The following MEF2A variants were observed in gnomAD, a reference collection of about 807,000 sequenced individuals.
MEF2A encodes myocyte-specific enhancer factor 2A.
MEF2A carries 28 observed loss-of-function variants against 55.8 expected under a neutral mutation model. The observed-to-expected ratio is 0.50, with a 90% CI of 0.37 to 0.69. MEF2A has a LOEUF of 0.69. Among genes scored for constraint, MEF2A ranks in the 30% least tolerant of loss-of-function variants. MEF2A has a pLI of 0.00. For synonymous variants in MEF2A, 239 were observed against 227.1 expected, an observed-to-expected ratio of 1.05 and a Z score of -0.47; for missense variants, 528 against 626.2, an observed-to-expected ratio of 0.84 and a Z score of 1.67.
At chr15:99,622,611 C>A (rs187676108) in intron 2 of MEF2A, among the ~76,000 whole-genome samples, 2 of 151,868 alleles carry the variant, frequency 1.3e-5, no homozygotes, top group East Asian at 3.9e-4. Context: ...CACTTTAACC[C>A]TTTTAAAGTA....
rs1201145586 is a variant in MEF2A at position 99,598,451 on chromosome 15, GAAC to G, written c.-200_-198del. The G allele has an allele frequency of 1.3e-5, 2 of 152,010 alleles. No homozygotes were observed. The highest frequency in any genetic ancestry group is 4.8e-5 in the African/African-American group (2 of 41,400). The allele number at this position is 152,010 out of a possible 1,614,324, so 9.4% of individuals were successfully genotyped here. ...TAAGGAATTGCATTTTGTGAAAAAA[GAAC>G]AAGAATTTTCTGCAAGGATCATATC... On this transcript the variant is annotated 5_prime_UTR_variant, in exon 2 of 12. Coordinates refer to ENST00000557942, the MANE Select transcript of MEF2A (RefSeq NM_001319206.4).
rs2153831692 is a variant in MEF2A at position 99,712,480 on chromosome 15, G to A, written c.1227G>A (p.Arg409=). 3.2e-6 allele frequency: 5 copies of A among 1,551,460 alleles called. No individual in the cohort carries two copies. Among genetic ancestry groups the A allele is most frequent in the Non-Finnish European group, 4.4e-6 (5 of 1,146,958 alleles). The part of the protein sequence containing the change: ...SIKSEPISPP[R]DRMTPSGFQQ... Reference sequence around the variant, plus strand: ...AGTCCGAACCGATTTCACCTCCTCGGGATCGTATGACCCCATCGGGCTTCC... The same window carrying A: ...AGTCCGAACCGATTTCACCTCCTCGAGATCGTATGACCCCATCGGGCTTCC... The change falls in exon 12 of 12, where the codon CGG becomes CGA. Residue 409 remains arginine, a synonymous_variant. Coordinates refer to ENST00000557942, the MANE Select transcript of MEF2A (RefSeq NM_001319206.4). The surrounding 1 kb of genome is among the most constrained non-coding windows in gnomAD (Gnocchi z 4.1).
Position 99,607,872 on chromosome 15 carries a change from G to A in MEF2A, c.-143+9361G>A, listed in dbSNP as rs559599906. ...CAAAGTCTCCTTTCTAATGATTTTC[G>A]TAATACTATGCTTATCTCTAAGGAG... On this transcript the variant is annotated intron_variant, in intron 2 of 11. Coordinates refer to ENST00000557942, the MANE Select transcript of MEF2A (RefSeq NM_001319206.4). 2.0e-5 allele frequency among the ~76,000 whole-genome samples: 3 copies of A among 152,204 alleles called. No homozygotes were observed. The South Asian group carries it at 6.2e-4, about 32-fold the overall frequency.
At chr15:99,569,023 T>C (rs1243488299) in intron 1 of MEF2A, among the ~76,000 whole-genome samples, 3 of 152,232 alleles carry the variant, frequency 2.0e-5, no homozygotes, top group African/African-American at 4.8e-5. Flanking sequence ...AGTGTAAATA[T>C]GGAAATCAGA....
At chr15:99,665,330 A>G (rs1240595582) in intron 4 of MEF2A, among the ~76,000 whole-genome samples, 1 of 152,196 alleles carries the variant, frequency 6.6e-6, no homozygotes, top group Non-Finnish European at 1.5e-5. Flanking sequence ...AAAACAAGCA[A>G]TGGGGAAAGG....
At chr15:99,697,933 C>T (rs2056750447) in intron 8 of MEF2A, among the ~76,000 whole-genome samples, 1 of 152,144 alleles carries the variant, frequency 6.6e-6, no homozygotes, top group Non-Finnish European at 1.5e-5. Context: ...CGTATATATT[C>T]AGCTGGGTTT....
intron 2 of MEF2A, among the ~76,000 whole-genome samples, chr15:99,632,161 G>A (rs1394604467): frequency 6.6e-6 from 1 of 152,116 alleles, no homozygotes; most frequent in Non-Finnish European, 1.5e-5. Context: ...GATTTTTTAA[G>A]TCTTGAAGGA....
chr15:99,578,371 C>T (rs971617067), intron 1 of MEF2A, among the ~76,000 whole-genome samples: 3 of 152,178 alleles, frequency 2.0e-5, no homozygotes, highest in African/African-American at 4.8e-5. Flanking sequence ...GCATTGAGAG[C>T]TCTGTCCGGT....
intron 8 of MEF2A, among the ~76,000 whole-genome samples, chr15:99,699,964 G>GTGTT (rs146585231): frequency 0.067 from 4,439 of 66,686 alleles, 245 homozygotes; most frequent in African/African-American, 0.16. Context: ...GTGTGTGTGT[G>GTGTT]TGTGTGTGTG....
intron 2 of MEF2A, among the ~76,000 whole-genome samples, chr15:99,609,376 T>G (rs1032833067): frequency 1.3e-5 from 2 of 152,220 alleles, no homozygotes; most frequent in Non-Finnish European, 2.9e-5. Context: ...TGTGAGTATT[T>G]GTAGGGTATG....
chr15:99,689,452 A>G (rs576021072), intron 7 of MEF2A, among the ~76,000 whole-genome samples: 98 of 152,190 alleles, frequency 6.4e-4, no homozygotes, highest in African/African-American at 2.2e-3. Flanking sequence ...AGTCCCCAGT[A>G]TGAGATGCCC....
At chr15:99,598,210 T>C (rs1252017662) in intron 1 of MEF2A, among the ~76,000 whole-genome samples, 2 of 152,208 alleles carry the variant, frequency 1.3e-5, no homozygotes, top group Non-Finnish European at 2.9e-5. Context: ...GAGTAATACT[T>C]CCTGAAGAAA....
intron 7 of MEF2A, among the ~76,000 whole-genome samples, chr15:99,682,692 G>A (rs149478455): frequency 6.3e-4 from 96 of 152,226 alleles, no homozygotes; most frequent in African/African-American, 2.2e-3. Flanking sequence ...AAGAAATACT[G>A]TGCTTTTAAG....
Position 99,675,294 on chromosome 15 carries a change from G to A in MEF2A, c.611-105G>A, listed in dbSNP as rs1172129332. 6.1e-6 allele frequency: 6 copies of A among 990,822 alleles called. No individual in the cohort carries two copies. The African/African-American group carries it at 6.4e-5, about 11-fold the overall frequency. 61.4% of individuals were successfully genotyped at this position (990,822 alleles called of 1,614,324 possible). Reference sequence around the variant, plus strand: ...TAGTTTTTATTTTTGTGTCTTTTTAGGATTAGAGTGAGAGTTATCTCTATT... The same window carrying A: ...TAGTTTTTATTTTTGTGTCTTTTTAAGATTAGAGTGAGAGTTATCTCTATT... On this transcript the variant is annotated intron_variant, in intron 6 of 11. Transcript: ENST00000557942.
intron 2 of MEF2A, among the ~76,000 whole-genome samples, chr15:99,608,005 T>C (rs1308584033): frequency 6.6e-6 from 1 of 152,206 alleles, no homozygotes; most frequent in Non-Finnish European, 1.5e-5. Context: ...GTAGAAGACA[T>C]GAATCACCGA....
intron 2 of MEF2A, among the ~76,000 whole-genome samples, chr15:99,615,952 G>A (rs574666830): frequency 6.6e-6 from 1 of 152,200 alleles, no homozygotes; most frequent in African/African-American, 2.4e-5. Flanking sequence ...GCTATTTAGT[G>A]GAACTTGGAT....
intron 2 of MEF2A, among the ~76,000 whole-genome samples, chr15:99,599,034 T>A (rs773384476): frequency 4.5e-4 from 69 of 152,240 alleles, no homozygotes; most frequent in Non-Finnish European, 9.4e-4. Context: ...TGCCTTAAAT[T>A]AATGGGTTCA....
At chr15:99,602,620 G>A (rs1261539778) in intron 2 of MEF2A, among the ~76,000 whole-genome samples, 2 of 150,560 alleles carry the variant, frequency 1.3e-5, no homozygotes, top group Non-Finnish European at 2.9e-5. Flanking sequence ...ACAACTGCCT[G>A]ACCGTCACCT....
chr15:99,584,272 A>G (rs1017234487), intron 1 of MEF2A, among the ~76,000 whole-genome samples: 1 of 152,166 alleles, frequency 6.6e-6, no homozygotes, highest in African/African-American at 2.4e-5. Flanking sequence ...AGAAGATGTT[A>G]GATACCCCAA....
Sources: allele counts gnomAD v4.1 joint callset (sites outside exome capture counted in the v4.1 genomes callset), GRCh38; gene constraint gnomAD v4.1.1; non-coding constraint Gnocchi (gnomAD v3.1); transcripts MANE v1.5; gene names NCBI Gene and HGNC (gene_info 2026-07-23, HGNC 2026-07-21).